Variants in SPINK5 observed in about 807,000 individuals in gnomAD.
The protein encoded by SPINK5 is serine protease inhibitor Kazal-type 5.
In SPINK5, 125 loss-of-function variants were observed where a neutral mutation model predicts 151.8. The observed-to-expected ratio is 0.82, with a 90% CI of 0.71 to 0.96. The LOEUF is 0.96. Among genes scored for constraint, SPINK5 ranks in the 40% least tolerant of loss-of-function variants. The pLI, the probability that SPINK5 is intolerant of heterozygous loss-of-function variation, is 0.00. For missense variants in SPINK5, 1,194 were observed against 1,291.9 expected (o/e 0.92, Z 1.16); for synonymous variants, 374 against 395.3 (o/e 0.95, Z 0.64).
intron 21 of SPINK5, 71 bp downstream of exon 21, chr5:148,114,560 T>G (rs1754036308): frequency 4.4e-6 from 7 of 1,600,096 alleles, no homozygotes; most frequent in Non-Finnish European, 6.0e-6. Flanking sequence ...GCAAATAATA[T>G]GTATTGTGTT....
intron 31 of SPINK5, among the ~76,000 whole-genome samples, chr5:148,131,643 G>A (rs1044065133): frequency 6.6e-6 from 1 of 152,172 alleles, no homozygotes; most frequent in African/African-American, 2.4e-5. Flanking sequence ...AAAAAAAATA[G>A]TGGAGTTACA....
Position 148,120,277 on chromosome 5 carries a change from T to C in SPINK5, c.2442-18T>C. The stretch of plus-strand genomic sequence containing the variant: ...GTTTGTTCACTTTGATTGAAATGTT[T>C]CATTGTTTTCCCCCCAGGGAAAGGG... On this transcript the variant is annotated intron_variant, in intron 25 of 32. Coordinates refer to ENST00000256084, the MANE Select transcript of SPINK5 (RefSeq NM_006846.4). 1 of 1,605,568 alleles carries C rather than the reference T, an allele frequency of 6.2e-7. No individual in the cohort carries two copies. Among genetic ancestry groups the C allele is most frequent in the Middle Eastern group, 1.7e-4 (1 of 6,056 alleles).
chr5:148,118,380 A>G, intron 22 of SPINK5, 57 bp from the exon 23 acceptor site: 1 of 1,611,288 alleles, frequency 6.2e-7, no homozygotes, highest in South Asian at 1.1e-5. Flanking sequence ...AAAACAATTT[A>G]CTAAGAATAC....
intron 7 of SPINK5, among the ~76,000 whole-genome samples, chr5:148,090,057 T>A (rs1485569999): frequency 6.6e-6 from 1 of 151,876 alleles, no homozygotes; most frequent in Non-Finnish European, 1.5e-5. Flanking sequence ...TGTGTCTGAA[T>A]CTATTTATTA....
chr5:148,104,926 CT>C, intron 15 of SPINK5, 25 bp from the exon 16 acceptor site: 3 of 1,604,402 alleles, frequency 1.9e-6, no homozygotes, highest in Non-Finnish European at 2.6e-6. Flanking sequence ...CATTTCTTCT[CT>C]CTTTTTCTTT....
rs975849166 is a variant in SPINK5, at chr5:148,072,299, T to C, written c.282+79T>C. 3 of 1,458,318 alleles carry C rather than the reference T, an allele frequency of 2.1e-6. No individual in the cohort carries two copies. The African/African-American group carries it at 4.2e-5, about 20-fold the overall frequency. 90.3% of individuals were successfully genotyped at this position (1,458,318 alleles called of 1,614,324 possible). ...TTAGAGCTATCTGTTTATTCCTTAA[T>C]TACTAGGTCATACCTGTTTTGAAGC... On this transcript the variant is annotated intron_variant, in intron 4 of 32. Coordinates refer to ENST00000256084, the MANE Select transcript of SPINK5 (RefSeq NM_006846.4).
intron 6 of SPINK5, 53 bp from the exon 7 acceptor site, chr5:148,089,441 G>A: frequency 1.2e-6 from 2 of 1,610,494 alleles, no homozygotes; most frequent in African/African-American, 1.3e-5. Context: ...TGAAAACAGT[G>A]TTGTCAGCAT....
Position 148,125,759 on chromosome 5 carries a change from A to C in SPINK5, c.2776A>C (p.Asn926His), listed in dbSNP as rs1438761641. Residue 926 changes from asparagine to histidine, a missense_variant, in exon 29 of 33, where the codon AAT becomes CAT. Transcript: ENST00000256084. ...CSEFRNYIRN[N>H]ELICPRENDP... ...TGAATTTCGAAACTATATAAGGAAC[A>C]ATGAACTCATCTGCCCTAGAGAGAA... is the stretch of plus-strand genomic sequence containing the variant. The C allele has an allele frequency of 3.5e-5, 57 of 1,614,238 alleles. No individual in the cohort carries two copies. Among genetic ancestry groups the C allele is most frequent in the Non-Finnish European group, 4.7e-5 (55 of 1,180,032 alleles).
At chr5:148,078,374 C>T (rs1165428919) in intron 4 of SPINK5, among the ~76,000 whole-genome samples, 1 of 150,940 alleles carries the variant, frequency 6.6e-6, no homozygotes, top group African/African-American at 2.4e-5. Context: ...ACTTAAAATA[C>T]TGATAGAACA....
chr5:148,065,241 C>T, intron 1 of SPINK5, 106 bp from the exon 2 acceptor site: 1 of 1,262,156 alleles, frequency 7.9e-7, no homozygotes, highest in Non-Finnish European at 1.1e-6. Context: ...GGTTTTACAA[C>T]ATATTGTCAT....
intron 4 of SPINK5, 25 bp downstream of exon 4, chr5:148,072,245 T>C (rs746414659): frequency 6.2e-7 from 1 of 1,607,580 alleles, no homozygotes; most frequent in Admixed American, 1.7e-5. Flanking sequence ...AGCCAACCTG[T>C]TTACTTTTGA....
At chr5:148,112,681 C>A (rs553412923) in intron 19 of SPINK5, among the ~76,000 whole-genome samples, 187 bp from the exon 20 acceptor site, 2 of 114,694 alleles carry the variant, frequency 1.7e-5, no homozygotes, top group Middle Eastern at 4.9e-3. Context: ...CAAAAAAAAA[C>A]CAAAAAACAA....
chr5:148,113,041 GTTCA>G, intron 20 of SPINK5, 107 bp downstream of exon 20: 1 of 1,533,064 alleles, frequency 6.5e-7, no homozygotes, highest in South Asian at 1.2e-5. Context: ...GGAACTAGGG[GTTCA>G]TTTAGTCCAG....
At chr5:148,119,757 C>A (rs998637539) in intron 24 of SPINK5, among the ~76,000 whole-genome samples, 1 of 152,172 alleles carries the variant, frequency 6.6e-6, no homozygotes, top group Non-Finnish European at 1.5e-5. Flanking sequence ...GGGTAACTTC[C>A]CCATTTTAAA....
chr5:148,122,543 T>C (rs181480261), intron 26 of SPINK5, among the ~76,000 whole-genome samples: 1 of 150,892 alleles, frequency 6.6e-6, no homozygotes, highest in Admixed American at 6.6e-5. Context: ...AAGATTTTAG[T>C]ACATTCTAGA....
rs748820625 is a variant in SPINK5 at position 148,120,287 on chromosome 5, C to T, written c.2442-8C>T. On this transcript the variant is annotated splice_polypyrimidine_tract_variant and splice_region_variant and intron_variant, in intron 25 of 32. Transcript: ENST00000256084. ...TTTGATTGAAATGTTTCATTGTTTT[C>T]CCCCCAGGGAAAGGGAAGCAGCTGA... The T allele has an allele frequency of 1.9e-6, 3 of 1,605,092 alleles. No individual in the cohort carries two copies. The highest frequency in any genetic ancestry group is 1.3e-5 in the African/African-American group (1 of 74,598).
At chr5:148,126,835 G>A (rs532585844) in intron 29 of SPINK5, 148 bp from the exon 30 acceptor site, 30 of 582,936 alleles carry the variant, frequency 5.1e-5, no homozygotes, top group Middle Eastern at 5.1e-4. Context: ...CAGGTGATTC[G>A]CCAGCCTGGG....
chr5:148,131,949 GCATATTATTT>G (rs1254048958), intron 31 of SPINK5, among the ~76,000 whole-genome samples: 1 of 152,134 alleles, frequency 6.6e-6, no homozygotes, highest in African/African-American at 2.4e-5. Context: ...GTATCTGGAG[GCATATTATTT>G]CATGATTCTG....
At chr5:148,066,008 A>G (rs1581044740) in intron 2 of SPINK5, among the ~76,000 whole-genome samples, 1 of 152,150 alleles carries the variant, frequency 6.6e-6, no homozygotes. Flanking sequence ...CAGGAGGCAT[A>G]ATAGGATCCC....
Sources: gnomAD v4.1 joint callset for allele counts (sites outside exome capture counted in the v4.1 genomes callset) on GRCh38, gnomAD v4.1.1 for gene constraint, MANE v1.5 for transcripts, NCBI Gene and HGNC (gene_info 2026-07-23, HGNC 2026-07-21) for gene names.